PLEKHA6: variants seen among roughly 807,000 people sequenced by gnomAD.
The protein encoded by PLEKHA6 is pleckstrin homology domain containing A6.
In PLEKHA6, 60 loss-of-function variants were observed where a neutral mutation model predicts 116.7. That is an observed-to-expected ratio of 0.51 (90% CI 0.42 to 0.64). The LOEUF is 0.64. PLEKHA6 is among the 30% of genes least tolerant of loss of function. The pLI, the probability that PLEKHA6 is intolerant of heterozygous loss-of-function variation, is 0.00. For missense variants in PLEKHA6, 1,338 were observed against 1,422.7 expected, an observed-to-expected ratio of 0.94 and a Z score of 0.96; for synonymous variants, 489 against 556.1, an observed-to-expected ratio of 0.88 and a Z score of 1.70.
Position 204,223,778 on chromosome 1 carries a change from G to A in PLEKHA6, c.3032-193C>T, listed in dbSNP as rs1455751194. Reference sequence around the variant, plus strand: ...CAGGGCGTCGTGGAGGAGAGTGTGAGGCCCCAGAGGAGACCTGGCCGAATC... The same window carrying A: ...CAGGGCGTCGTGGAGGAGAGTGTGAAGCCCCAGAGGAGACCTGGCCGAATC... On this transcript the variant is annotated intron_variant, in intron 21 of 22. Coordinates refer to ENST00000272203, the MANE Select transcript of PLEKHA6 (RefSeq NM_014935.5). The surrounding 1 kb of genome is among the most constrained non-coding windows in gnomAD (Gnocchi z 4.8). 6.6e-6 allele frequency among the ~76,000 whole-genome samples: 1 copy of A among 151,044 alleles called. No homozygotes were observed. The highest frequency in any genetic ancestry group is 2.1e-4 in the South Asian group (1 of 4,758).
chr1:204,231,990 G>A (rs1661254590), intron 17 of PLEKHA6, among the ~76,000 whole-genome samples: 1 of 152,120 alleles, frequency 6.6e-6, no homozygotes, highest in African/African-American at 2.4e-5. Context: ...AGGGCCCATT[G>A]TATATATATC....
At chr1:204,254,838 T>C (rs926581217) in intron 9 of PLEKHA6, among the ~76,000 whole-genome samples, 2 of 152,212 alleles carry the variant, frequency 1.3e-5, no homozygotes, top group Admixed American at 1.3e-4. Flanking sequence ...TCGTGGTTTG[T>C]AGCACAGATC....
rs551647803 is a variant in PLEKHA6, at chr1:204,263,387, T to C, written c.381+1555A>G. Among the ~76,000 whole-genome samples the C allele has an allele frequency of 4.6e-5, 7 of 152,180 alleles. No homozygotes were observed. The East Asian group carries it at 1.4e-3, about 30-fold the overall frequency. On this transcript the variant is annotated intron_variant, in intron 6 of 22. Coordinates refer to ENST00000272203, the MANE Select transcript of PLEKHA6 (RefSeq NM_014935.5). The stretch of plus-strand genomic sequence containing the variant: ...TGGGCAGGAACAGTTCCTGGCTCAT[T>C]CTTAGCCATCCAAGAGTTTCGCTCG...
chr1:204,308,861 T>C (rs1406536476), intron 1 of PLEKHA6, among the ~76,000 whole-genome samples: 1 of 151,582 alleles, frequency 6.6e-6, no homozygotes, highest in Non-Finnish European at 1.5e-5. Flanking sequence ...GCTAATTTTT[T>C]TGTATTTTTA....
intron 1 of PLEKHA6, among the ~76,000 whole-genome samples, chr1:204,285,810 G>A (rs1170415958): frequency 6.6e-6 from 1 of 152,240 alleles, no homozygotes; most frequent in Non-Finnish European, 1.5e-5. Context: ...AGGAGGCTGG[G>A]AGAGAAGAGT....
At chr1:204,354,852 C>G (rs147470511) in intron 1 of PLEKHA6, among the ~76,000 whole-genome samples, 1 of 152,252 alleles carries the variant, frequency 6.6e-6, no homozygotes, top group Non-Finnish European at 1.5e-5. Flanking sequence ...GAAATCAAGA[C>G]AGGATGTGCA....
intron 3 of PLEKHA6, among the ~76,000 whole-genome samples, chr1:204,272,593 C>A (rs1338879914): frequency 1.3e-5 from 2 of 152,072 alleles, no homozygotes; most frequent in Non-Finnish European, 2.9e-5. Context: ...TAAAACAAGA[C>A]AACCGGAGCT....
At chr1:204,273,059 C>T (rs1667638166) in intron 3 of PLEKHA6, among the ~76,000 whole-genome samples, 1 of 152,186 alleles carries the variant, frequency 6.6e-6, no homozygotes, top group Non-Finnish European at 1.5e-5. Flanking sequence ...TGCTGCTAAA[C>T]CCAGAGGACA....
chr1:204,332,474 C>T (rs979737351), intron 1 of PLEKHA6, among the ~76,000 whole-genome samples: 3 of 152,176 alleles, frequency 2.0e-5, no homozygotes, highest in Non-Finnish European at 4.4e-5. Context: ...TTCCCAGGTC[C>T]CGGTTCAAGC....
intron 1 of PLEKHA6, among the ~76,000 whole-genome samples, chr1:204,284,802 TG>T (rs1212061448): frequency 2.6e-5 from 4 of 152,196 alleles, no homozygotes; most frequent in Non-Finnish European, 5.9e-5. Context: ...ACTGAGTCAC[TG>T]TCCCTTTCTG....
chr1:204,241,061 GC>G (rs1278117347), intron 17 of PLEKHA6, among the ~76,000 whole-genome samples: 3 of 152,102 alleles, frequency 2.0e-5, no homozygotes, highest in African/African-American at 7.2e-5. Flanking sequence ...CTTGTAGACA[GC>G]CTATTGTGGG....
chr1:204,292,658 T>C (rs2103036253), intron 1 of PLEKHA6, among the ~76,000 whole-genome samples: 1 of 152,296 alleles, frequency 6.6e-6, no homozygotes, highest in Admixed American at 6.5e-5. Context: ...TTTGTGGTGC[T>C]CACCCAGCAC....
chr1:204,371,798 A>G (rs867311103), intron 1 of PLEKHA6, among the ~76,000 whole-genome samples: 3 of 152,252 alleles, frequency 2.0e-5, no homozygotes, highest in Non-Finnish European at 4.4e-5. Flanking sequence ...TTCAGGATGA[A>G]TAATATCGAA....
chr1:204,320,816 A>G (rs765737345), intron 1 of PLEKHA6, among the ~76,000 whole-genome samples: 1 of 152,228 alleles, frequency 6.6e-6, no homozygotes, highest in African/African-American at 2.4e-5. Flanking sequence ...AGTGGGAGAG[A>G]GGGGTTCTTA....
chr1:204,257,868 G>A lies in PLEKHA6; in HGVS notation c.1009C>T (p.Pro337Ser), dbSNP rs1387898578. 1 of 1,597,456 alleles carries A rather than the reference G, an allele frequency of 6.3e-7. No individual in the cohort carries two copies. Among genetic ancestry groups the A allele is most frequent in the Admixed American group, 1.7e-5 (1 of 59,322 alleles). ...GVPPPEDLRSPSRFYPVSRRV... is the reference protein window; with the variant it reads ...GVPPPEDLRSSSRFYPVSRRV... ...CGAGACACAGGATAGAACCTAGAGG[G>A]ACTGAGAGAGAGGGGACATTGTAAT... Residue 337 changes from proline (P) to serine (S), a missense_variant and splice_region_variant, in exon 9 of 23, where the codon CCC (proline) becomes TCC (serine). Pro to Ser is a moderately conservative substitution (Grantham distance 74). Coordinates refer to ENST00000272203, the MANE Select transcript of PLEKHA6 (RefSeq NM_014935.5). The surrounding 1 kb of genome is among the most constrained non-coding windows in gnomAD (Gnocchi z 6.5).
chr1:204,250,629 G>T lies in PLEKHA6; in HGVS notation c.1525-15C>A, dbSNP rs1235325320. ...TATGGAGGGACCTGCAGGAACATGA[G>T]GCCGGTTACTGCAGCAGGGGCAGGA... On this transcript the variant is annotated splice_polypyrimidine_tract_variant and intron_variant, in intron 9 of 22. Transcript: ENST00000272203. 1 of 1,594,460 alleles carries T rather than the reference G, an allele frequency of 6.3e-7. No individual in the cohort carries two copies. Among genetic ancestry groups the T allele is most frequent in the Non-Finnish European group, 8.6e-7 (1 of 1,162,802 alleles).
chr1:204,326,816 C>T (rs1672258841), intron 1 of PLEKHA6: 1 of 178,360 alleles, frequency 5.6e-6, no homozygotes, highest in Non-Finnish European at 1.1e-5. Flanking sequence ...CAGTATGGAG[C>T]TCAGCACTAG....
chr1:204,348,495 C>T (rs3126209), intron 1 of PLEKHA6, among the ~76,000 whole-genome samples: 27,535 of 152,174 alleles, frequency 0.18, 2,805 homozygotes, highest in Non-Finnish European at 0.23. Flanking sequence ...CAAACCAACC[C>T]GGTCCTGAGA....
chr1:204,311,809 C>T, intron 1 of PLEKHA6: 1 of 342,178 alleles, frequency 2.9e-6, no homozygotes, highest in Non-Finnish European at 4.1e-6. Flanking sequence ...GAGGAAACTT[C>T]ACAATCACCC....
Sources: gnomAD v4.1 joint callset for allele counts (sites outside exome capture counted in the v4.1 genomes callset) on GRCh38, gnomAD v4.1.1 for gene constraint, Gnocchi (gnomAD v3.1) non-coding constraint, MANE v1.5 for transcripts, NCBI Gene and HGNC (gene_info 2026-07-23, HGNC 2026-07-21) for gene names.